AP2A2: variants seen among roughly 807,000 people sequenced by gnomAD.
AP2A2 encodes the protein adaptor related protein complex 2 subunit alpha 2.
A neutral mutation model predicts 104.2 loss-of-function variants in AP2A2; 32 were observed. The observed-to-expected ratio is 0.31, with a 90% CI of 0.23 to 0.41. The LOEUF (loss-of-function observed/expected upper bound fraction) is 0.41. Ranked by LOEUF, AP2A2 falls within the 10% of genes least tolerant of loss-of-function variation. The pLI is 1.00. For synonymous variants in AP2A2, 539 were observed against 533.3 expected (o/e 1.01, Z -0.15); for missense variants, 912 against 1,261.0 (o/e 0.72, Z 4.19).
chr11:949,438 C>G (rs1032230208), intron 1 of AP2A2, among the ~76,000 whole-genome samples: 1 of 152,134 alleles, frequency 6.6e-6, no homozygotes, highest in Non-Finnish European at 1.5e-5. Context: ...AAACAAGAAT[C>G]TTCAACCAAA....
intron 1 of AP2A2, among the ~76,000 whole-genome samples, chr11:947,593 C>T (rs1221808311): frequency 2.0e-5 from 3 of 151,988 alleles, no homozygotes; most frequent in South Asian, 4.2e-4. Context: ...GTTGGGAGTT[C>T]GAGACCAGCC....
intron 6 of AP2A2, among the ~76,000 whole-genome samples, chr11:983,712 T>G (rs573287157): frequency 6.6e-6 from 1 of 152,304 alleles, no homozygotes; most frequent in East Asian, 1.9e-4. Context: ...TGAGATGAAT[T>G]TTTGTTGCTT....
At chr11:991,040 A>G (rs1328780026) in intron 10 of AP2A2, among the ~76,000 whole-genome samples, 86 of 73,508 alleles carry the variant, frequency 1.2e-3, no homozygotes, top group African/African-American at 1.7e-3. Flanking sequence ...GCCGGGCACG[A>G]TGCTCCCCCC....
intron 10 of AP2A2, among the ~76,000 whole-genome samples, chr11:991,561 C>A (rs1030497526): frequency 2.8e-4 from 43 of 152,156 alleles, no homozygotes; most frequent in Non-Finnish European, 5.4e-4. Context: ...GACATGGGGA[C>A]CCTGCCAGTG....
chr11:973,645 G>A (rs369057354), intron 4 of AP2A2, among the ~76,000 whole-genome samples: 1 of 147,350 alleles, frequency 6.8e-6, no homozygotes, highest in Non-Finnish European at 1.5e-5. Context: ...GGGTGCCCAA[G>A]ATGGAAGGAA....
chr11:953,373 C>T (rs916848895), intron 1 of AP2A2, among the ~76,000 whole-genome samples: 1 of 152,180 alleles, frequency 6.6e-6, no homozygotes, highest in Non-Finnish European at 1.5e-5. Context: ...CCATGTTGCC[C>T]AGGCTGGTCT....
At chr11:951,239 TAAAAAAGATGAGGCCAGGCACTCCC>T (rs1241878622) in intron 1 of AP2A2, among the ~76,000 whole-genome samples, 4 of 151,890 alleles carry the variant, frequency 2.6e-5, no homozygotes, top group African/African-American at 9.7e-5. Flanking sequence ...ATGGCTGTAA[TAAAAAAGATGAGGCCAGGCACTCCC>T]AGCTGTAATT....
chr11:958,194 G>A (rs1218961790), intron 1 of AP2A2, among the ~76,000 whole-genome samples: 1 of 152,212 alleles, frequency 6.6e-6, no homozygotes, highest in African/African-American at 2.4e-5. Context: ...TCATAAGCAT[G>A]CGTCAAAGAA....
chr11:967,386 G>A (rs1222579944), intron 2 of AP2A2, among the ~76,000 whole-genome samples: 1 of 151,894 alleles, frequency 6.6e-6, no homozygotes, highest in Non-Finnish European at 1.5e-5. Flanking sequence ...TTTTGAGATG[G>A]AGTCTCGCTC....
rs1854688243 is a variant in AP2A2, at chr11:968,212, C to T, written c.137-1957C>T. On this transcript the variant is annotated intron_variant, in intron 2 of 21. Coordinates refer to ENST00000448903, the MANE Select transcript of AP2A2 (RefSeq NM_012305.4). This position sits in a 1 kb window ranked among gnomAD's most constrained non-coding sequence, Gnocchi z 4.2. ...TCCGCTGCCCCTCACGGTGCTTATG[C>T]AACAGGGGTGGTGTGCCCAGGGGAG... is the stretch of plus-strand genomic sequence containing the variant. 6.6e-6 allele frequency among the ~76,000 whole-genome samples: 1 copy of T among 152,198 alleles called. No homozygotes were observed. The highest frequency in any genetic ancestry group is 6.5e-5 in the Admixed American group (1 of 15,276).
chr11:997,464 TAAGG>T (rs1414157478), intron 14 of AP2A2, among the ~76,000 whole-genome samples: 1 of 152,164 alleles, frequency 6.6e-6, no homozygotes, highest in Non-Finnish European at 1.5e-5. Flanking sequence ...CCTGAGAGGA[TAAGG>T]AAGATGAAGA....
chr11:926,269 C>T (rs1853118044), intron 1 of AP2A2, among the ~76,000 whole-genome samples, 181 bp downstream of exon 1: 1 of 21,366 alleles, frequency 4.7e-5, no homozygotes, highest in Non-Finnish European at 9.0e-5. Flanking sequence ...GGGTGGGGGC[C>T]AGGGTGCGGG....
rs1855691398 is a variant in AP2A2, at chr11:992,466, C to T, written c.1270-37C>T. 4.5e-6 allele frequency: 7 copies of T among 1,555,794 alleles called. No individual in the cohort carries two copies. The highest frequency in any genetic ancestry group is 2.7e-5 in the African/African-American group (2 of 73,306). On this transcript the variant is annotated intron_variant, in intron 10 of 21. Coordinates refer to ENST00000448903, the MANE Select transcript of AP2A2 (RefSeq NM_012305.4). This position sits in a 1 kb window ranked among gnomAD's most constrained non-coding sequence, Gnocchi z 6.4. ...AGTTTGGTCTTGGGATTGCCATGGC[C>T]TGCAGGTGCCGGCCCTCAGCAGCCT...
At chr11:1,010,395 AGTGT>A in intron 21 of AP2A2, 149 bp from the exon 22 acceptor site, 3 of 622,658 alleles carry the variant, frequency 4.8e-6, no homozygotes, top group Non-Finnish European at 8.5e-6. Context: ...TCATGCTGAC[AGTGT>A]GTGTGGTGCT....
At chr11:933,976 G>A (rs1260102155) in intron 1 of AP2A2, among the ~76,000 whole-genome samples, 2 of 152,144 alleles carry the variant, frequency 1.3e-5, no homozygotes, top group Non-Finnish European at 1.5e-5. Context: ...GGCTGGGAAG[G>A]TGGCAGGAGC....
intron 3 of AP2A2, among the ~76,000 whole-genome samples, chr11:970,571 T>C (rs577855310): frequency 3.1e-4 from 48 of 152,404 alleles, no homozygotes; most frequent in African/African-American, 1.1e-3. Context: ...CATGCGGTTT[T>C]CCTGATGAGG....
At chr11:999,142 A>ATGCGAG (rs1428024627) in intron 14 of AP2A2, among the ~76,000 whole-genome samples, 4 of 152,296 alleles carry the variant, frequency 2.6e-5, no homozygotes, top group Admixed American at 1.3e-4. Context: ...ATGGGTGAGC[A>ATGCGAG]TGCGATGGAC....
At chr11:939,247 C>CAAAA (rs546835879) in intron 1 of AP2A2, among the ~76,000 whole-genome samples, 6 of 51,458 alleles carry the variant, frequency 1.2e-4, no homozygotes, top group African/African-American at 3.4e-4. Flanking sequence ...GACTCTGTCT[C>CAAAA]AAAAAAAAAA....
chr11:936,370 C>T (rs1853460381), intron 1 of AP2A2, among the ~76,000 whole-genome samples: 1 of 151,642 alleles, frequency 6.6e-6, no homozygotes, highest in South Asian at 2.1e-4. Flanking sequence ...TGCCACCACA[C>T]CTGGCTAATT....
Sources: allele counts gnomAD v4.1 joint callset (sites outside exome capture counted in the v4.1 genomes callset), GRCh38; gene constraint gnomAD v4.1.1; non-coding constraint Gnocchi (gnomAD v3.1); transcripts MANE v1.5; gene names NCBI Gene and HGNC (gene_info 2026-07-23, HGNC 2026-07-21).